The following PRSS16 variants were observed in gnomAD, a reference collection of about 807,000 sequenced individuals.
PRSS16 encodes serine protease 16.
PRSS16 carries 43 observed loss-of-function variants against 61.7 expected under a neutral mutation model. The observed-to-expected ratio is 0.70, with a 90% CI of 0.55 to 0.90. The LOEUF (loss-of-function observed/expected upper bound fraction) is 0.90, where lower values mean the gene tolerates loss of function less well. PRSS16 is among the 40% of genes least tolerant of loss of function. The pLI, the probability that PRSS16 is intolerant of heterozygous loss-of-function variation, is 0.00. For missense variants in PRSS16, 591 were observed against 659.1 expected, an observed-to-expected ratio of 0.90 and a Z score of 1.13; for synonymous variants, 273 against 285.2, an observed-to-expected ratio of 0.96 and a Z score of 0.43.
At chr6:27,250,548 C>T in intron 4 of PRSS16, 135 bp from the exon 5 acceptor site, 1 of 1,304,656 alleles carries the variant, frequency 7.7e-7, no homozygotes, top group Non-Finnish European at 1.0e-6. Flanking sequence ...CTTGGAAACA[C>T]GTCATGAGAA....
intron 4 of PRSS16, among the ~76,000 whole-genome samples, chr6:27,249,939 C>T (rs375967479): frequency 6.6e-6 from 1 of 152,160 alleles, no homozygotes; most frequent in African/African-American, 2.4e-5. Context: ...TATTAACGAC[C>T]GCCACCATTT....
At chr6:27,254,454 C>A in intron 9 of PRSS16, 1 of 494,648 alleles carries the variant, frequency 2.0e-6, no homozygotes, top group Non-Finnish European at 3.6e-6. Flanking sequence ...GATGCTTTCC[C>A]TGAGCCCATC....
chr6:27,249,140 G>T lies in PRSS16; in HGVS notation c.378G>T (p.Val126=). Residue 126 remains valine, a synonymous_variant, in exon 4 of 12, where the codon GTG becomes GTT. Coordinates refer to ENST00000230582, the MANE Select transcript of PRSS16 (RefSeq NM_005865.4). ...TGGCCCCAGCCTGGGGCGCCCTGGTGATAAGCCTGGAACACAGATTTTATG... is the reference window on the plus strand; with the variant it reads ...TGGCCCCAGCCTGGGGCGCCCTGGTTATAAGCCTGGAACACAGATTTTATG... ...AALAPAWGAL[V]ISLEHRFYGL... is the part of the protein sequence containing the mutation. 6.2e-7 allele frequency: 1 copy of T among 1,604,852 alleles called. No homozygotes were observed. The highest frequency in any genetic ancestry group is 8.5e-7 in the Non-Finnish European group (1 of 1,178,526).
chr6:27,252,781 G>T lies in PRSS16; in HGVS notation c.1009-27G>T. On this transcript the variant is annotated intron_variant, in intron 8 of 11. Transcript: ENST00000230582. This position sits in a 1 kb window ranked among gnomAD's most constrained non-coding sequence, Gnocchi z 4.2. ...TGCTGGGAAGAGAGGAGGAATTTAT[G>T]TCTTATGTATGTACATTGTTCCCTA... is the stretch of plus-strand genomic sequence containing the variant. 6.2e-7 allele frequency: 1 copy of T among 1,613,422 alleles called. No homozygotes were observed. Among genetic ancestry groups the T allele is most frequent in the South Asian group, 1.1e-5 (1 of 91,046 alleles).
At position 27,252,029 on chromosome 6, in the gene PRSS16, C is replaced by A. The variant is rs1759924507; in HGVS notation, c.997C>A (p.Arg333=). 6.5e-7 allele frequency: 1 copy of A among 1,538,204 alleles called. No homozygotes were observed. Among genetic ancestry groups the A allele is most frequent in the Non-Finnish European group, 8.7e-7 (1 of 1,146,194 alleles). The change falls in exon 8 of 12, where the codon CGG becomes AGG. Residue 333 remains arginine (R), a synonymous_variant. Coordinates refer to ENST00000230582, the MANE Select transcript of PRSS16 (RefSeq NM_005865.4). The surrounding 1 kb of genome is among the most constrained non-coding windows in gnomAD (Gnocchi z 4.2). ...SHSTPYCGLR[R]AVQIVLHSLG... is the part of the protein sequence containing the mutation. ...CTCCACGCCCTACTGCGGGCTTCGTCGGGCGGTGCAGGTGAGCACTCCCTG... is the reference window on the plus strand; with the variant it reads ...CTCCACGCCCTACTGCGGGCTTCGTAGGGCGGTGCAGGTGAGCACTCCCTG...
chr6:27,251,787 AGCGGCGGCTGCGCTCGGGTGGG>A lies in PRSS16; in HGVS notation c.761_782del (p.Arg254LeufsTer9). Reference sequence around the variant, plus strand: ...GTGTCCGTCGCCTTCGCTGAAGTGGAGCGGCGGCTGCGCTCGGGTGGGGCGGCTCAAGCAGCATTGCGGACGG... The same window carrying A: ...GTGTCCGTCGCCTTCGCTGAAGTGGAGCGGCTCAAGCAGCATTGCGGACGG... On this transcript the variant is annotated frameshift_variant, in exon 8 of 12. Transcript: ENST00000230582. LOFTEE classifies it high-confidence loss of function. The surrounding 1 kb of genome is among the most constrained non-coding windows in gnomAD (Gnocchi z 5.6). 1.2e-6 allele frequency: 2 copies of A among 1,608,734 alleles called. No individual in the cohort carries two copies. Among genetic ancestry groups the A allele is most frequent in the Non-Finnish European group, 8.5e-7 (1 of 1,178,982 alleles).
In PRSS16 at chr6:27,250,766, G is replaced by T. The variant is rs1172127754; in HGVS notation, c.551G>T (p.Gly184Val). ...TCCAGCCCCTGGATCTGCTTCGGAG[G>T]CTCCTATGCCGGCTCCTTGGCCGCC... is the stretch of plus-strand genomic sequence containing the variant. ...SSSSPWICFG[G>V]SYAGSLAAWA... Residue 184 changes from glycine (G) to valine (V), a missense_variant, in exon 5 of 12, where the codon GGC becomes GTC. By Grantham distance (109) the Gly-to-Val change is moderately radical (BLOSUM62 -3). Coordinates refer to ENST00000230582, the MANE Select transcript of PRSS16 (RefSeq NM_005865.4). 1 of 1,613,404 alleles carries T rather than the reference G, an allele frequency of 6.2e-7. No individual in the cohort carries two copies. Among genetic ancestry groups the T allele is most frequent in the Admixed American group, 1.7e-5 (1 of 59,894 alleles).
chr6:27,250,981 G>A, intron 5 of PRSS16, 61 bp from the exon 6 acceptor site: 4 of 1,598,596 alleles, frequency 2.5e-6, no homozygotes, highest in South Asian at 1.1e-5. Flanking sequence ...GTGACACAGA[G>A]GCAGAAAGAT....
intron 9 of PRSS16, chr6:27,253,626 G>A: frequency 3.7e-6 from 1 of 268,998 alleles, no homozygotes; most frequent in South Asian, 3.7e-5. Flanking sequence ...TTTAGTATAA[G>A]CATGTCCCAA....
At chr6:27,249,936 G>A (rs1759839653) in intron 4 of PRSS16, among the ~76,000 whole-genome samples, 1 of 151,936 alleles carries the variant, frequency 6.6e-6, no homozygotes. Flanking sequence ...TCCTATTAAC[G>A]ACCGCCACCA....
intron 9 of PRSS16, 149 bp from the exon 10 acceptor site, chr6:27,254,544 T>A: frequency 1.4e-6 from 1 of 738,690 alleles, no homozygotes; most frequent in South Asian, 1.8e-5. Context: ...GTCAGGGGAC[T>A]GTGTGAGTCT....
intron 4 of PRSS16, 100 bp from the exon 5 acceptor site, chr6:27,250,583 T>G: frequency 6.8e-7 from 1 of 1,478,274 alleles, no homozygotes; most frequent in Non-Finnish European, 9.0e-7. Context: ...CTGGCCAGAT[T>G]CACCCATTCA....
In PRSS16 at chr6:27,248,067, G is replaced by A; in HGVS notation, c.237+19G>A. 1 of 1,608,858 alleles carries A rather than the reference G, an allele frequency of 6.2e-7. No homozygotes were observed. The highest frequency in any genetic ancestry group is 1.3e-5 in the African/African-American group (1 of 74,848). Reference sequence around the variant, plus strand: ...CCTACAGGTGAGGCCGGGAGACGGGGAGTCCACTAACCATCCTGCCCTCTC... The same window carrying A: ...CCTACAGGTGAGGCCGGGAGACGGGAAGTCCACTAACCATCCTGCCCTCTC... On this transcript the variant is annotated intron_variant, in intron 2 of 11. Transcript: ENST00000230582.
chr6:27,252,917 GGTTGTATCAGACATGTACCGA>G lies in PRSS16; in HGVS notation c.1122_1142del (p.Leu374_Glu380del). Reference sequence around the variant, plus strand: ...CTGTCTGGTGTGGGTGACCGGCAGTGGTTGTATCAGACATGTACCGAGTTCGGCTTCTGTAAGTGACTGGCC... The same window carrying G: ...CTGTCTGGTGTGGGTGACCGGCAGTGGTTCGGCTTCTGTAAGTGACTGGCC... On this transcript the variant is annotated inframe_deletion, in exon 9 of 12. Transcript: ENST00000230582. The surrounding 1 kb of genome is among the most constrained non-coding windows in gnomAD (Gnocchi z 4.2). The G allele has an allele frequency of 6.2e-7, 1 of 1,614,148 alleles. No individual in the cohort carries two copies. Among genetic ancestry groups the G allele is most frequent in the Non-Finnish European group, 8.5e-7 (1 of 1,180,040 alleles).
chr6:27,248,979 ATGC>A, intron 3 of PRSS16, 33 bp downstream of exon 3: 1 of 1,574,374 alleles, frequency 6.4e-7, no homozygotes, highest in East Asian at 2.2e-5. Context: ...AGGAGTTGGG[ATGC>A]TGGTGGGGAC....
rs759831414 is a variant in PRSS16 at position 27,255,064 on chromosome 6, G to C, written c.1409G>C (p.Gly470Ala). The C allele has an allele frequency of 6.8e-6, 11 of 1,614,086 alleles. 1 individual carries two copies. The African/African-American group carries it at 8.0e-5, about 12-fold the overall frequency. The change falls in exon 11 of 12, where the codon GGC becomes GCC. Residue 470 changes from glycine (G) to alanine (A), a missense_variant. By Grantham distance (60) the Gly-to-Ala change is moderately conservative. Transcript: ENST00000230582. This position sits in a 1 kb window ranked among gnomAD's most constrained non-coding sequence, Gnocchi z 4.4. ...SSESTLLIRT[G>A]SHCLDMAPER... ...GAATCAACTCTTCTTATCCGCACTG[G>C]CTCCCACTGCTTGGACATGGCACCT...
chr6:27,248,955 C>A lies in PRSS16; in HGVS notation c.337+9C>A, dbSNP rs904169010. The A allele has an allele frequency of 3.8e-6, 6 of 1,597,492 alleles. No individual in the cohort carries two copies. Among genetic ancestry groups the A allele is most frequent in the Non-Finnish European group, 4.3e-6 (5 of 1,169,422 alleles). Reference sequence around the variant, plus strand: ...TGGCTCAGTGATGAGAGGTAAGAGGCAATGTTGGGGGAAAGGAGTTGGGAT... The same window carrying A: ...TGGCTCAGTGATGAGAGGTAAGAGGAAATGTTGGGGGAAAGGAGTTGGGAT... On this transcript the variant is annotated intron_variant, in intron 3 of 11. Coordinates refer to ENST00000230582, the MANE Select transcript of PRSS16 (RefSeq NM_005865.4).
intron 2 of PRSS16, among the ~76,000 whole-genome samples, chr6:27,248,627 G>A (rs1320518685): frequency 1.3e-5 from 2 of 151,922 alleles, no homozygotes; most frequent in East Asian, 1.9e-4. Flanking sequence ...GGGGATATAA[G>A]AGTGAAAAAC....
chr6:27,252,888 T>C lies in PRSS16; in HGVS notation c.1089T>C (p.Pro363=), dbSNP rs761781880. ...ETVAQLRSTE[P]QLSGVGDRQW... Reference sequence around the variant, plus strand: ...TGGCACAGCTGAGGAGCACAGAACCTCAACTGTCTGGTGTGGGTGACCGGC... The same window carrying C: ...TGGCACAGCTGAGGAGCACAGAACCCCAACTGTCTGGTGTGGGTGACCGGC... The change falls in exon 9 of 12, where the codon CCT becomes CCC. Residue 363 remains proline, a synonymous_variant. Transcript: ENST00000230582. The surrounding 1 kb of genome is among the most constrained non-coding windows in gnomAD (Gnocchi z 4.2). 22 of 1,614,038 alleles carry C rather than the reference T, an allele frequency of 1.4e-5. No individual in the cohort carries two copies. Among genetic ancestry groups the C allele is most frequent in the Non-Finnish European group, 1.9e-5 (22 of 1,180,040 alleles).
Sources: allele counts gnomAD v4.1 joint callset (sites outside exome capture counted in the v4.1 genomes callset), GRCh38; gene constraint gnomAD v4.1.1; non-coding constraint Gnocchi (gnomAD v3.1); transcripts MANE v1.5; gene names NCBI Gene and HGNC (gene_info 2026-07-23, HGNC 2026-07-21).